Variants in WDR41 observed in about 807,000 individuals in gnomAD.
WDR41 encodes WD repeat domain 41, also known as WD repeat-containing protein 41.
WDR41 carries 63 observed loss-of-function variants against 69.3 expected under a neutral mutation model. That is an observed-to-expected ratio of 0.91 (90% confidence interval 0.74 to 1.12). The LOEUF (loss-of-function observed/expected upper bound fraction) is 1.12, where lower values mean the gene tolerates loss of function less well. Ranked by LOEUF, WDR41 falls within the 50% of genes most tolerant of loss-of-function variation. The pLI, the probability that WDR41 is intolerant of heterozygous loss-of-function variation, is 0.00. For synonymous variants in WDR41, 185 were observed against 192.1 expected (o/e 0.96, Z 0.31); for missense variants, 543 against 534.5 (o/e 1.02, Z -0.16).
chr5:77,451,193 C>T, intron 7 of WDR41, 98 bp downstream of exon 7: 1 of 1,093,872 alleles, frequency 9.1e-7, no homozygotes, highest in Admixed American at 2.0e-5. Context: ...GAGTGGGGCA[C>T]ACGCAATGTC....
intron 1 of WDR41, among the ~76,000 whole-genome samples, chr5:77,558,094 T>TTAAAAAAAAAAAAAAAAA (rs1554036365): frequency 9.6e-5 from 10 of 104,264 alleles, no homozygotes; most frequent in African/African-American, 3.6e-4. Context: ...ATGTTCTTTT[T>TTAAAAAAAAAAAAAAAAA]AAAAAAAAAA....
intron 1 of WDR41, among the ~76,000 whole-genome samples, chr5:77,620,211 A>C (rs1744754614): frequency 6.6e-6 from 1 of 151,600 alleles, no homozygotes; most frequent in Non-Finnish European, 1.5e-5. Flanking sequence ...CTCTGTGCAA[A>C]CTCTACCCAC....
chr5:77,550,534 T>G (rs921035759), intron 1 of WDR41, among the ~76,000 whole-genome samples: 1 of 152,212 alleles, frequency 6.6e-6, no homozygotes, highest in African/African-American at 2.4e-5. Context: ...CATGATGAGA[T>G]ACCATCTGAC....
intron 1 of WDR41, among the ~76,000 whole-genome samples, chr5:77,607,901 T>C (rs1744454472): frequency 6.6e-6 from 1 of 152,242 alleles, no homozygotes; most frequent in South Asian, 2.1e-4. Context: ...TTAAATGTAC[T>C]CCAATCAGGC....
chr5:77,581,830 T>C (rs1389910660), intron 1 of WDR41, among the ~76,000 whole-genome samples: 3 of 152,154 alleles, frequency 2.0e-5, no homozygotes, highest in Admixed American at 6.5e-5. Context: ...CCAAAATTTA[T>C]GGGATGCAGC....
chr5:77,604,910 G>A (rs1366116019), intron 1 of WDR41, among the ~76,000 whole-genome samples: 1 of 152,066 alleles, frequency 6.6e-6, no homozygotes, highest in Non-Finnish European at 1.5e-5. Flanking sequence ...TACCATTTGT[G>A]CACTAAAAGG....
chr5:77,579,002 A>C (rs1743887631), intron 1 of WDR41, among the ~76,000 whole-genome samples: 2 of 152,058 alleles, frequency 1.3e-5, no homozygotes, highest in African/African-American at 4.8e-5. Context: ...TAATAAAAGA[A>C]AATTTTAAAA....
chr5:77,496,969 C>T (rs550669461), upstream of WDR41, among the ~76,000 whole-genome samples: 20 of 152,196 alleles, frequency 1.3e-4, no homozygotes, highest in African/African-American at 4.1e-4. Context: ...ATTTTTTTGA[C>T]AAGTGTACTA....
At chr5:77,494,086 T>C (rs1477571970), upstream of WDR41, among the ~76,000 whole-genome samples, 2 of 152,204 alleles carry the variant, frequency 1.3e-5, no homozygotes, top group Admixed American at 6.5e-5. Context: ...TGAAGTTACG[T>C]TGGTATAAAT....
chr5:77,465,543 T>C (rs895072108), intron 2 of WDR41, among the ~76,000 whole-genome samples: 1 of 152,126 alleles, frequency 6.6e-6, no homozygotes, highest in South Asian at 2.1e-4. Flanking sequence ...TTCATCACCA[T>C]ATTATACTAA....
At chr5:77,481,018 T>C (rs1163846290) in intron 2 of WDR41, among the ~76,000 whole-genome samples, 1 of 151,060 alleles carries the variant, frequency 6.6e-6, no homozygotes, top group East Asian at 1.9e-4. Context: ...CCTTGTGGGT[T>C]TTCTGGGTTG....
chr5:77,619,944 G>C (rs1223570425), intron 1 of WDR41, among the ~76,000 whole-genome samples: 1 of 151,880 alleles, frequency 6.6e-6, no homozygotes, highest in East Asian at 1.9e-4. Flanking sequence ...GTTTAAAGAG[G>C]GGACACTAAG....
At chr5:77,443,553 C>G (rs1428920038) in intron 8 of WDR41, among the ~76,000 whole-genome samples, 1 of 152,148 alleles carries the variant, frequency 6.6e-6, no homozygotes, top group Non-Finnish European at 1.5e-5. Flanking sequence ...ATCTGTGGAG[C>G]AAAACGGGCT....
At chr5:77,516,621 T>C (rs1802294862) in intron 1 of WDR41, among the ~76,000 whole-genome samples, 4 of 152,216 alleles carry the variant, frequency 2.6e-5, no homozygotes, top group Non-Finnish European at 5.9e-5. Flanking sequence ...TTACTCTGTG[T>C]GGCCTCTGTA....
intron 2 of WDR41, among the ~76,000 whole-genome samples, chr5:77,472,856 T>G (rs919406483): frequency 6.6e-6 from 1 of 152,060 alleles, no homozygotes; most frequent in African/African-American, 2.4e-5. Context: ...CAAGGTAATT[T>G]ATAGATTCAA....
intron 9 of WDR41, 79 bp downstream of exon 9, chr5:77,440,734 A>G: frequency 7.2e-7 from 1 of 1,383,644 alleles, no homozygotes; most frequent in Non-Finnish European, 1.0e-6. Context: ...TATGTCCAAC[A>G]TGGGATTAAA....
Position 77,582,666 on chromosome 5 carries a change from T to C in WDR41, c.42+37813A>G, listed in dbSNP as rs185141985. 1.6e-5 allele frequency: 26 copies of C among 1,601,186 alleles called. No individual in the cohort carries two copies. The Admixed American group carries it at 2.5e-4, about 15-fold the overall frequency. The stretch of plus-strand genomic sequence containing the variant: ...TGGCGTTTGTCATCAGAATCAGAGG[T>C]ATCAGTGCTGTGAGCCCAAAGGTCC... On this transcript the variant is annotated intron_variant, in intron 1 of 5. Coordinates refer to the WDR41 transcript ENST00000509971.
At chr5:77,532,106 A>G (rs1802536148) in intron 1 of WDR41, among the ~76,000 whole-genome samples, 2 of 152,086 alleles carry the variant, frequency 1.3e-5, no homozygotes, top group South Asian at 4.1e-4. Context: ...TTACTTTTAC[A>G]TTATGTAAAT....
chr5:77,617,521 C>G (rs1744699906), intron 1 of WDR41, among the ~76,000 whole-genome samples: 1 of 151,950 alleles, frequency 6.6e-6, no homozygotes. Context: ...TTAAAATAAA[C>G]AGGTAATATT....
Sources: gnomAD v4.1 joint callset for allele counts (sites outside exome capture counted in the v4.1 genomes callset) on GRCh38, gnomAD v4.1.1 for gene constraint, MANE v1.5 for transcripts, NCBI Gene and HGNC (gene_info 2026-07-23, HGNC 2026-07-21) for gene names.